URI1: variants seen among roughly 807,000 people sequenced by gnomAD.
URI1 encodes URI1 prefoldin like chaperone.
Under a neutral mutation model 60.2 loss-of-function variants are expected in URI1, and 39 were observed. The observed-to-expected ratio is 0.65, with a 90% CI of 0.50 to 0.85. The LOEUF (loss-of-function observed/expected upper bound fraction) is 0.85. URI1 is among the 40% of genes least tolerant of loss of function. URI1 has a pLI of 0.00. For missense variants in URI1, 691 were observed against 665.9 expected (o/e 1.04, Z -0.42); for synonymous variants, 251 against 236.8 (o/e 1.06, Z -0.55).
At chr19:29,941,378 A>C (rs77326182), upstream of URI1, among the ~76,000 whole-genome samples, 511 of 152,230 alleles carry the variant, frequency 3.4e-3, 5 homozygotes, top group African/African-American at 0.012. Flanking sequence ...CAGGGAATCC[A>C]AGACAGGAGG....
At chr19:29,960,885 G>A (rs1213981074) in intron 1 of URI1, among the ~76,000 whole-genome samples, 1 of 151,918 alleles carries the variant, frequency 6.6e-6, no homozygotes, top group Non-Finnish European at 1.5e-5. Flanking sequence ...ACTGTGTCTT[G>A]CTTTGTCACC....
intron 4 of URI1, among the ~76,000 whole-genome samples, chr19:29,994,265 T>G (rs1171268294): frequency 2.6e-5 from 4 of 152,202 alleles, no homozygotes; most frequent in African/African-American, 4.8e-5. Flanking sequence ...CCCCTGGCAC[T>G]GCTAACTAGC....
chr19:29,944,859 A>G (rs951380534), intron 1 of URI1, among the ~76,000 whole-genome samples: 1 of 152,226 alleles, frequency 6.6e-6, no homozygotes, highest in African/African-American at 2.4e-5. Flanking sequence ...CTGCACTGTA[A>G]TTATAGTGTA....
rs780187767 is a variant in URI1, at chr19:30,015,465, A to G, written c.*396A>G. 40 of 1,516,350 alleles carry G rather than the reference A, an allele frequency of 2.6e-5. 1 individual carries two copies. Among genetic ancestry groups the G allele is most frequent in the Non-Finnish European group, 3.1e-5 (35 of 1,140,970 alleles). 93.9% of individuals were successfully genotyped at this position (1,516,350 alleles called of 1,614,324 possible). A position where few individuals can be genotyped will look rare whatever the true frequency, so the allele number is the denominator to read the frequency against. On this transcript the variant is annotated 3_prime_UTR_variant, in exon 11 of 11. Coordinates refer to ENST00000392271, the MANE Select transcript of URI1 (RefSeq NM_003796.3). ...TTTAAAGAAAATTTTAAAATTTCAA[A>G]TAGATTCAACAATTACATTACTTGC...
chr19:29,947,250 A>G (rs570635087), intron 1 of URI1, among the ~76,000 whole-genome samples: 3 of 152,366 alleles, frequency 2.0e-5, no homozygotes, highest in East Asian at 1.9e-4. Context: ...TTTGTCATGC[A>G]TATGTGAAGA....
At chr19:29,938,202 T>C (rs2054990068), upstream of URI1, among the ~76,000 whole-genome samples, 1 of 152,054 alleles carries the variant, frequency 6.6e-6, no homozygotes, top group Non-Finnish European at 1.5e-5. Context: ...TGGCTCGCAG[T>C]TCTGTGGGCC....
At chr19:29,987,214 G>A (rs538417832) in intron 4 of URI1, among the ~76,000 whole-genome samples, 68 of 152,268 alleles carry the variant, frequency 4.5e-4, no homozygotes, top group African/African-American at 1.6e-3. Context: ...TTAGTTAAAT[G>A]TGTATTTGAA....
In URI1 at chr19:29,942,458, G is replaced by C; in HGVS notation, c.-90G>C. The C allele has an allele frequency of 9.8e-7, 1 of 1,021,910 alleles. No homozygotes were observed. Among genetic ancestry groups the C allele is most frequent in the Non-Finnish European group, 1.2e-6 (1 of 853,988 alleles). The allele number at this position is 1,021,910 out of a possible 1,614,324, so 63.3% of individuals were successfully genotyped here. On this transcript the variant is annotated 5_prime_UTR_variant, in exon 1 of 11. Transcript: ENST00000392271. ...CGGGGCGCGCGGTGCCTGAGGGCGG[G>C]CGCGCGGGCGCTGGGCAACTGCCGG...
In URI1 at chr19:30,009,078, A is replaced by G; in HGVS notation, c.760A>G (p.Asn254Asp). The change falls in exon 8 of 11, where the codon AAT (asparagine) becomes GAT (aspartate). Residue 254 changes from asparagine (N) to aspartate (D), a missense_variant. Transcript: ENST00000392271. The part of the protein sequence containing the change: ...SEEEKEDRNT[N>D]VNAMHQVTDS... ...AGAGGAAAAGGAAGATCGTAACACA[A>G]ATGTGAATGCGATGCATCAAGTAAC... 8.1e-6 allele frequency: 13 copies of G among 1,613,984 alleles called. No individual in the cohort carries two copies. Among genetic ancestry groups the G allele is most frequent in the Non-Finnish European group, 1.1e-5 (13 of 1,179,928 alleles).
chr19:29,935,110 AT>A (rs1194035808), intron 1 of URI1, among the ~76,000 whole-genome samples: 1 of 151,694 alleles, frequency 6.6e-6, no homozygotes. Context: ...CCACTACTAC[AT>A]TTTTTTGGTA....
intron 8 of URI1, 32 bp downstream of exon 8, chr19:30,009,385 A>G (rs776215507): frequency 6.4e-7 from 1 of 1,552,106 alleles, no homozygotes; most frequent in Non-Finnish European, 8.8e-7. Context: ...CTAATTTTGC[A>G]TATAATTTGA....
At chr19:30,001,829 T>C (rs1036298076) in intron 4 of URI1, among the ~76,000 whole-genome samples, 1 of 151,984 alleles carries the variant, frequency 6.6e-6, no homozygotes, top group African/African-American at 2.4e-5. Context: ...TTTATGGGTT[T>C]ATGCCTTTAA....
intron 1 of URI1, among the ~76,000 whole-genome samples, chr19:29,944,303 C>T (rs1400470566): frequency 1.3e-5 from 2 of 149,782 alleles, no homozygotes; most frequent in Non-Finnish European, 3.0e-5. Context: ...AATCTTACTC[C>T]TTTTGCCAAA....
At chr19:29,996,828 A>C (rs555538280) in intron 4 of URI1, among the ~76,000 whole-genome samples, 1 of 150,596 alleles carries the variant, frequency 6.6e-6, no homozygotes, top group African/African-American at 2.4e-5. Flanking sequence ...AGGTTGTTGG[A>C]TTTTGTCAAA....
upstream of URI1, among the ~76,000 whole-genome samples, chr19:29,941,084 C>T (rs1016829208): frequency 6.6e-6 from 1 of 152,284 alleles, no homozygotes; most frequent in East Asian, 1.9e-4. Flanking sequence ...AAGGGTGGAT[C>T]TGGACTTGGG....
chr19:29,979,329 T>C (rs1019922199), intron 2 of URI1, among the ~76,000 whole-genome samples: 3 of 152,160 alleles, frequency 2.0e-5, no homozygotes, highest in East Asian at 1.9e-4. Flanking sequence ...CTAGGCACTT[T>C]AGGATATTTC....
At chr19:29,991,508 A>G (rs186341947) in intron 4 of URI1, among the ~76,000 whole-genome samples, 143 of 152,260 alleles carry the variant, frequency 9.4e-4, no homozygotes, top group Non-Finnish European at 1.1e-3. Context: ...GGTAGATTCC[A>G]TGGGATTTTC....
At chr19:29,928,200 G>A (rs886149491) in intron 1 of URI1, among the ~76,000 whole-genome samples, 1 of 152,150 alleles carries the variant, frequency 6.6e-6, no homozygotes, top group Non-Finnish European at 1.5e-5. Context: ...CTGGCTGGGA[G>A]CGGTGATTTT....
chr19:29,949,198 C>T (rs1359449448), intron 1 of URI1, among the ~76,000 whole-genome samples: 5 of 144,920 alleles, frequency 3.5e-5, no homozygotes, highest in East Asian at 2.1e-4. Flanking sequence ...CCAGATGGGG[C>T]GGCTGCCGGG....
Sources: allele counts gnomAD v4.1 joint callset (sites outside exome capture counted in the v4.1 genomes callset), GRCh38; gene constraint gnomAD v4.1.1; transcripts MANE v1.5; gene names NCBI Gene and HGNC (gene_info 2026-07-23, HGNC 2026-07-21).